SERP2: variants seen among roughly 807,000 people sequenced by gnomAD.
The protein encoded by SERP2 is stress-associated endoplasmic reticulum protein 2.
Under a neutral mutation model 9.1 loss-of-function variants are expected in SERP2, and 6 were observed. The ratio of observed to expected loss-of-function variants is 0.66; its 90% confidence interval spans 0.36 to 1.30. The LOEUF (loss-of-function observed/expected upper bound fraction) is 1.30. Among genes scored for constraint, SERP2 ranks in the 50% most tolerant of loss-of-function variants. SERP2 has a pLI of 0.03. For missense variants in SERP2, 58 were observed against 81.9 expected, an observed-to-expected ratio of 0.71 and a Z score of 1.13; for synonymous variants, 37 against 27.3, an observed-to-expected ratio of 1.35 and a Z score of -1.10.
chr13:44,378,381 C>T (rs1258089334), intron 1 of SERP2, among the ~76,000 whole-genome samples: 1 of 152,140 alleles, frequency 6.6e-6, no homozygotes, highest in African/African-American at 2.4e-5. Flanking sequence ...TTTTGAAACA[C>T]TATTACATAC....
At chr13:44,393,341 G>T (rs1250933875) in intron 2 of SERP2, among the ~76,000 whole-genome samples, 1 of 152,144 alleles carries the variant, frequency 6.6e-6, no homozygotes, top group Non-Finnish European at 1.5e-5. Context: ...CAGTGGGAGT[G>T]CTCCTAGCAT....
intron 2 of SERP2, among the ~76,000 whole-genome samples, chr13:44,394,374 T>G (rs1247310133): frequency 6.6e-6 from 1 of 152,166 alleles, no homozygotes; most frequent in Non-Finnish European, 1.5e-5. Context: ...CTGCCCACCT[T>G]GGCCTCCCAA....
chr13:44,374,761 CTT>C (rs974014662), intron 1 of SERP2, among the ~76,000 whole-genome samples: 4 of 152,106 alleles, frequency 2.6e-5, no homozygotes, highest in African/African-American at 9.7e-5. Context: ...CCTCCAGCCT[CTT>C]TTTTCTCTTT....
intron 2 of SERP2, among the ~76,000 whole-genome samples, chr13:44,379,989 G>A (rs1387644864): frequency 6.6e-6 from 1 of 152,188 alleles, no homozygotes; most frequent in Non-Finnish European, 1.5e-5. Context: ...GTCTTTTTGT[G>A]CAGACATAGC....
intron 2 of SERP2, among the ~76,000 whole-genome samples, chr13:44,388,380 CTGTG>C (rs1338500767): frequency 2.6e-5 from 4 of 152,112 alleles, no homozygotes; most frequent in East Asian, 1.9e-4. Context: ...GCTTGCATGT[CTGTG>C]TGTATGTACA....
intron 2 of SERP2, chr13:44,390,865 C>G (rs1465315809): frequency 2.6e-5 from 4 of 152,468 alleles, no homozygotes; most frequent in African/African-American, 9.7e-5. Flanking sequence ...GTCTCGTCTC[C>G]TAACATTTCA....
intron 1 of SERP2, among the ~76,000 whole-genome samples, chr13:44,375,097 A>G (rs1871573463): frequency 6.6e-6 from 1 of 152,162 alleles, no homozygotes; most frequent in African/African-American, 2.4e-5. Context: ...GTATATGAGC[A>G]AAGGCGCCTG....
intron 2 of SERP2, among the ~76,000 whole-genome samples, chr13:44,394,834 G>A (rs143570123): frequency 3.3e-4 from 51 of 152,362 alleles, no homozygotes; most frequent in African/African-American, 1.2e-3. Flanking sequence ...CATAGTAACA[G>A]TGATGATAGC....
chr13:44,382,546 T>C lies in SERP2; in HGVS notation c.157+2833T>C, dbSNP rs200574049. Among the ~76,000 whole-genome samples the C allele has an allele frequency of 3.3e-5, 5 of 152,270 alleles. No homozygotes were observed. In the East Asian group the frequency reaches 9.6e-4, roughly 29 times the overall value. On this transcript the variant is annotated intron_variant, in intron 2 of 2. Coordinates refer to ENST00000379179, the MANE Select transcript of SERP2 (RefSeq NM_001010897.3). ...ACCTGTACAAAAAAGTTAGCTATGTTTTCAGGCTGTATGACCAGTCTGTAG... is the reference window on the plus strand; with the variant it reads ...ACCTGTACAAAAAAGTTAGCTATGTCTTCAGGCTGTATGACCAGTCTGTAG...
chr13:44,374,183 C>CCG, intron 1 of SERP2, 74 bp downstream of exon 1: 2 of 401,552 alleles, frequency 5.0e-6, no homozygotes, highest in Non-Finnish European at 8.0e-6. Flanking sequence ...GGGGCGGGGC[C>CCG]GGGCGGGTAG....
intron 2 of SERP2, among the ~76,000 whole-genome samples, chr13:44,383,149 C>A: frequency 6.6e-6 from 1 of 152,166 alleles, no homozygotes; most frequent in Non-Finnish European, 1.5e-5. Context: ...TACTCTCAGG[C>A]ATCCCTGAGC....
Position 44,389,777 on chromosome 13 carries a change from A to T in SERP2, c.158-7495A>T, listed in dbSNP as rs1289727406. Among the ~76,000 whole-genome samples the T allele has an allele frequency of 2.0e-5, 3 of 152,202 alleles. No homozygotes were observed. The East Asian group carries it at 5.8e-4, about 29-fold the overall frequency. ...TAGAACCTCTCTAAGTCTAGAAAGA[A>T]TTCTTTATAAACTAGCCCATGAGGG... On this transcript the variant is annotated intron_variant, in intron 2 of 2. Coordinates refer to ENST00000379179, the MANE Select transcript of SERP2 (RefSeq NM_001010897.3).
intron 2 of SERP2, among the ~76,000 whole-genome samples, chr13:44,396,433 CAAAAAAA>C (rs112700748): frequency 1.1e-5 from 1 of 93,628 alleles, no homozygotes; most frequent in African/African-American, 3.7e-5. Context: ...CACCCTCCTT[CAAAAAAA>C]AAAAAAAAAA....
At chr13:44,389,567 G>A (rs2138792850) in intron 2 of SERP2, among the ~76,000 whole-genome samples, 1 of 152,288 alleles carries the variant, frequency 6.6e-6, no homozygotes, top group Non-Finnish European at 1.5e-5. Context: ...GCTTAAGAGG[G>A]AAGAAATAAA....
At chr13:44,374,171 T>TTGG in intron 1 of SERP2, 62 bp downstream of exon 1, 1 of 94,476 alleles carries the variant, frequency 1.1e-5, no homozygotes, top group Non-Finnish European at 1.7e-5. Context: ...GGGCGGAAGG[T>TTGG]GGGGGCGGGG....
intron 2 of SERP2, among the ~76,000 whole-genome samples, chr13:44,392,945 T>C (rs1872866589): frequency 1.3e-5 from 2 of 152,116 alleles, no homozygotes; most frequent in Admixed American, 6.5e-5. Context: ...TCAAGTGGAT[T>C]GTTTCCTCTA....
intron 2 of SERP2, among the ~76,000 whole-genome samples, chr13:44,394,378 C>T (rs1872961998): frequency 6.6e-6 from 1 of 152,178 alleles, no homozygotes; most frequent in Non-Finnish European, 1.5e-5. Flanking sequence ...CCACCTTGGC[C>T]TCCCAAAGTG....
At chr13:44,374,580 T>C (rs969582603) in intron 1 of SERP2, among the ~76,000 whole-genome samples, 2 of 152,186 alleles carry the variant, frequency 1.3e-5, no homozygotes, top group African/African-American at 4.8e-5. Flanking sequence ...AATGAATGAA[T>C]GAATCAATGG....
intron 2 of SERP2, among the ~76,000 whole-genome samples, chr13:44,388,884 T>C (rs1319189964): frequency 6.6e-6 from 1 of 152,172 alleles, no homozygotes; most frequent in Non-Finnish European, 1.5e-5. Context: ...ACACCCAAAC[T>C]TTCCCCAGGA....
Sources: allele counts gnomAD v4.1 joint callset (sites outside exome capture counted in the v4.1 genomes callset), GRCh38; gene constraint gnomAD v4.1.1; transcripts MANE v1.5; gene names NCBI Gene and HGNC (gene_info 2026-07-23, HGNC 2026-07-21).